The following SPATA13 variants were observed in gnomAD, a reference collection of about 807,000 sequenced individuals.
SPATA13 encodes the protein spermatogenesis-associated protein 13.
In SPATA13, 50 loss-of-function variants were observed where a neutral mutation model predicts 104.0. The ratio of observed to expected loss-of-function variants is 0.48; its 90% CI spans 0.38 to 0.61. The LOEUF (loss-of-function observed/expected upper bound fraction) is 0.61. SPATA13 is among the 20% of genes least tolerant of loss of function. The probability of loss-of-function intolerance (pLI) is 0.00; values close to 1 mark genes in which losing one functional copy is unlikely to be tolerated. For synonymous variants in SPATA13, 606 were observed against 667.5 expected (o/e 0.91, Z 1.42); for missense variants, 1,524 against 1,690.6 (o/e 0.90, Z 1.73).
intron 3 of SPATA13, among the ~76,000 whole-genome samples, chr13:24,056,345 G>A (rs1878542340): frequency 1.3e-5 from 2 of 152,190 alleles, no homozygotes; most frequent in Non-Finnish European, 2.9e-5. Context: ...GACAGGCAAA[G>A]GTTACACATC....
chr13:24,137,088 C>T (rs1172467097), intron 3 of SPATA13, among the ~76,000 whole-genome samples: 1 of 35,218 alleles, frequency 2.8e-5, no homozygotes, highest in Non-Finnish European at 6.4e-5. Context: ...CCTCGGCCTC[C>T]CAAAGTGCTG....
chr13:24,039,880 C>T (rs748039205), intron 3 of SPATA13, among the ~76,000 whole-genome samples: 4 of 152,158 alleles, frequency 2.6e-5, no homozygotes, highest in Non-Finnish European at 4.4e-5. Flanking sequence ...TAGCACCGTC[C>T]CCACCAAAGA....
chr13:24,201,510 G>A (rs1015670477), intron 1 of SPATA13, among the ~76,000 whole-genome samples: 58 of 152,222 alleles, frequency 3.8e-4, no homozygotes, highest in African/African-American at 1.3e-3. Context: ...GTGCAATCTT[G>A]ACTCACTGCA....
At chr13:23,995,748 T>G (rs1011378330) in intron 2 of SPATA13, among the ~76,000 whole-genome samples, 1 of 152,170 alleles carries the variant, frequency 6.6e-6, no homozygotes, top group Non-Finnish European at 1.5e-5. Flanking sequence ...GATTTGCAAA[T>G]GAGAGCAAAA....
rs1280414931 is a variant in SPATA13, at chr13:24,222,955, G to A, written c.26G>A (p.Trp9Ter). The A allele has an allele frequency of 1.3e-6, 2 of 1,551,246 alleles. No individual in the cohort carries two copies. Among genetic ancestry groups the A allele is most frequent in the East Asian group, 2.4e-5 (1 of 40,904 alleles). Residue 9 changes from tryptophan (W) to a stop codon, truncating the protein, a stop_gained, in exon 2 of 13, where the codon TGG becomes TAG. Coordinates refer to ENST00000382108, the MANE Select transcript of SPATA13 (RefSeq NM_001166271.3). LOFTEE classifies it high-confidence loss of function. ...ATGACCCAGGCTGCCGTGCGGCCCT[G>A]GGCACCCTGCCTGGAGAACATGACC... Reference protein sequence around the residue: MTQAAVRPWAPCLENMTTA... With the variant: MTQAAVRP
chr13:24,024,360 T>C (rs200420134), intron 3 of SPATA13, among the ~76,000 whole-genome samples: 1 of 39,098 alleles, frequency 2.6e-5, no homozygotes, highest in African/African-American at 4.8e-5. Context: ...GATGGACGGA[T>C]GGATGGATGG....
intron 2 of SPATA13, among the ~76,000 whole-genome samples, chr13:23,989,554 A>AC (rs1450033347): frequency 7.2e-5 from 11 of 152,232 alleles, no homozygotes; most frequent in South Asian, 4.1e-4. Context: ...CATGCAGCTA[A>AC]CTGCATACTG....
intron 3 of SPATA13, chr13:24,034,081 C>A (rs963908869): frequency 5.3e-5 from 8 of 152,110 alleles, no homozygotes; most frequent in African/African-American, 1.7e-4. Flanking sequence ...GCTTCCTCCA[C>A]CCACAGAAAA....
upstream of SPATA13, among the ~76,000 whole-genome samples, chr13:24,158,762 C>T (rs1882340462): frequency 6.6e-6 from 1 of 152,202 alleles, no homozygotes; most frequent in South Asian, 2.1e-4. Flanking sequence ...TTTTAATTCT[C>T]CACCCAATGC....
chr13:24,039,899 G>A (rs908173974), intron 3 of SPATA13, among the ~76,000 whole-genome samples: 1 of 152,180 alleles, frequency 6.6e-6, no homozygotes, highest in East Asian at 1.9e-4. Context: ...GACAGGCTGA[G>A]CTCTGATCTT....
intron 12 of SPATA13, among the ~76,000 whole-genome samples, chr13:24,300,978 T>C (rs1029540980): frequency 2.6e-5 from 4 of 152,118 alleles, no homozygotes; most frequent in African/African-American, 9.7e-5. Context: ...CGTGAGCTGA[T>C]TTAGGGCGGT....
chr13:24,036,880 A>C (rs1343560815), intron 3 of SPATA13, among the ~76,000 whole-genome samples: 1 of 151,932 alleles, frequency 6.6e-6, no homozygotes, highest in East Asian at 1.9e-4. Flanking sequence ...GGTTCAAGCG[A>C]TTCTCCGACC....
At chr13:23,983,139 A>G (rs1874978940) in intron 1 of SPATA13, among the ~76,000 whole-genome samples, 1 of 152,182 alleles carries the variant, frequency 6.6e-6, no homozygotes, top group Non-Finnish European at 1.5e-5. Context: ...TCGGGCTGCC[A>G]TCACAAAACA....
chr13:23,984,210 G>C (rs1875043011), intron 2 of SPATA13, among the ~76,000 whole-genome samples: 1 of 152,206 alleles, frequency 6.6e-6, no homozygotes, highest in Admixed American at 6.5e-5. Flanking sequence ...TGTCTGTTTT[G>C]TAAAGGTAGA....
intron 3 of SPATA13, among the ~76,000 whole-genome samples, chr13:24,054,018 C>A (rs570189963): frequency 1.3e-5 from 2 of 152,244 alleles, no homozygotes; most frequent in Admixed American, 1.3e-4. Context: ...ACGGAGGCTC[C>A]TGGACAGCTC....
In SPATA13 at chr13:24,051,795, C is replaced by G. The variant is rs1473395138; in HGVS notation, c.-112+34094C>G. Among the ~76,000 whole-genome samples, 1 of 152,146 alleles carries G rather than the reference C, an allele frequency of 6.6e-6. No homozygotes were observed. The highest frequency in any genetic ancestry group is 1.5e-5 in the Non-Finnish European group (1 of 68,026). On this transcript the variant is annotated intron_variant, in intron 3 of 14. Transcript: ENST00000424834. This position sits in a 1 kb window ranked among gnomAD's most constrained non-coding sequence, Gnocchi z 4.2. ...CTATCAAAAGTCTAGGCTGCAAGAG[C>G]CTGCTAAGAGTTATGTTCTCCAGGG...
intron 2 of SPATA13, among the ~76,000 whole-genome samples, chr13:23,999,989 A>C (rs1875880579): frequency 6.6e-6 from 1 of 152,252 alleles, no homozygotes; most frequent in Non-Finnish European, 1.5e-5. Context: ...AATATAGTCA[A>C]AAACGATCTG....
intron 3 of SPATA13, among the ~76,000 whole-genome samples, chr13:24,116,152 C>T (rs1331662180): frequency 2.0e-5 from 3 of 152,200 alleles, no homozygotes; most frequent in Non-Finnish European, 4.4e-5. Flanking sequence ...AGAAATTTCC[C>T]ACAGTTCTGT....
At chr13:24,119,061 G>A (rs890588484) in intron 3 of SPATA13, among the ~76,000 whole-genome samples, 1 of 151,690 alleles carries the variant, frequency 6.6e-6, no homozygotes, top group Non-Finnish European at 1.5e-5. Context: ...GCCTGCCACC[G>A]CTCCCTGCTA....
Sources: gnomAD v4.1 joint callset for allele counts (sites outside exome capture counted in the v4.1 genomes callset) on GRCh38, gnomAD v4.1.1 for gene constraint, Gnocchi (gnomAD v3.1) non-coding constraint, MANE v1.5 for transcripts, NCBI Gene and HGNC (gene_info 2026-07-23, HGNC 2026-07-21) for gene names.